The following TMEM117 variants were observed in gnomAD, a reference collection of about 807,000 sequenced individuals.
The protein encoded by TMEM117 is transmembrane protein 117.
A neutral mutation model predicts 52.4 loss-of-function variants in TMEM117; 27 were observed. The observed-to-expected ratio is 0.51, with a 90% CI of 0.38 to 0.71. The LOEUF (loss-of-function observed/expected upper bound fraction) is 0.71. TMEM117 is among the 30% of genes least tolerant of loss of function. TMEM117 has a pLI of 0.00. For synonymous variants in TMEM117, 215 were observed against 206.3 expected, an observed-to-expected ratio of 1.04 and a Z score of -0.36; for missense variants, 556 against 630.5, an observed-to-expected ratio of 0.88 and a Z score of 1.26.
At chr12:43,870,627 A>G (rs962016337) in intron 2 of TMEM117, among the ~76,000 whole-genome samples, 1 of 152,104 alleles carries the variant, frequency 6.6e-6, no homozygotes, top group East Asian at 1.9e-4. Context: ...TATACCCAGT[A>G]TATACCCAGT....
chr12:44,385,918 A>G (rs1952081940), intron 7 of TMEM117, among the ~76,000 whole-genome samples: 4 of 151,780 alleles, frequency 2.6e-5, no homozygotes, highest in Admixed American at 2.6e-4. Flanking sequence ...TCTTTCTTCC[A>G]TGTTATCTCA....
At chr12:44,201,670 G>A (rs1389663483) in intron 4 of TMEM117, among the ~76,000 whole-genome samples, 1 of 152,090 alleles carries the variant, frequency 6.6e-6, no homozygotes, top group Non-Finnish European at 1.5e-5. Flanking sequence ...AGGCAATAAA[G>A]GAATGCCTCC....
chr12:44,170,916 G>T (rs1278267714), intron 4 of TMEM117, among the ~76,000 whole-genome samples: 1 of 151,740 alleles, frequency 6.6e-6, no homozygotes, highest in Non-Finnish European at 1.5e-5. Context: ...CAAAACTAGA[G>T]ATCTTATTCA....
chr12:44,150,165 T>C (rs1230807280), intron 4 of TMEM117, among the ~76,000 whole-genome samples: 1 of 152,204 alleles, frequency 6.6e-6, no homozygotes, highest in Non-Finnish European at 1.5e-5. Flanking sequence ...AAATACAAAC[T>C]GGATCAAGCA....
At chr12:43,876,997 C>G (rs1270848330) in intron 2 of TMEM117, among the ~76,000 whole-genome samples, 2 of 151,850 alleles carry the variant, frequency 1.3e-5, no homozygotes, top group Non-Finnish European at 2.9e-5. Flanking sequence ...TAGTATAAAC[C>G]CAATTTTAAT....
chr12:44,023,510 C>T (rs1181446676), intron 3 of TMEM117, among the ~76,000 whole-genome samples: 1 of 152,112 alleles, frequency 6.6e-6, no homozygotes, highest in East Asian at 1.9e-4. Context: ...TTTTAATGAT[C>T]ACCATTCTAA....
At chr12:44,055,064 A>G (rs1947033121) in intron 3 of TMEM117, among the ~76,000 whole-genome samples, 1 of 152,122 alleles carries the variant, frequency 6.6e-6, no homozygotes, top group South Asian at 2.1e-4. Flanking sequence ...TTCTTCCTTT[A>G]TAATAGGTAG....
rs1036999481 is a variant in TMEM117, at chr12:44,105,823, G to A, written c.411-37702G>A. Among the ~76,000 whole-genome samples the A allele has an allele frequency of 5.9e-5, 9 of 152,002 alleles. No homozygotes were observed. The East Asian group carries it at 1.2e-3, about 20-fold the overall frequency. ...ACAGTTTCTCTTGAGGGCAGGTCTC[G>A]TGAAGAGCAGAGCGCTCTGTCATAT... On this transcript the variant is annotated intron_variant, in intron 3 of 7. Coordinates refer to ENST00000266534, the MANE Select transcript of TMEM117 (RefSeq NM_032256.3).
intron 3 of TMEM117, among the ~76,000 whole-genome samples, chr12:44,132,538 A>G (rs763980685): frequency 5.9e-5 from 9 of 152,076 alleles, no homozygotes; most frequent in Admixed American, 1.3e-4. Flanking sequence ...ATCCCTGAGC[A>G]TTATTGGGAT....
chr12:44,274,347 A>T (rs1476996653), intron 5 of TMEM117, among the ~76,000 whole-genome samples: 1 of 152,162 alleles, frequency 6.6e-6, no homozygotes, highest in Non-Finnish European at 1.5e-5. Flanking sequence ...TATGGATTAG[A>T]AGGATCAATA....
intron 1 of TMEM117, among the ~76,000 whole-genome samples, chr12:43,837,710 T>G (rs1943055883): frequency 6.6e-6 from 1 of 152,168 alleles, no homozygotes. Flanking sequence ...GATATAGTAG[T>G]GATTATATTT....
chr12:44,226,596 C>T (rs902335130), intron 5 of TMEM117, among the ~76,000 whole-genome samples: 1 of 151,848 alleles, frequency 6.6e-6, no homozygotes, highest in African/African-American at 2.4e-5. Context: ...GTCCTAATGC[C>T]TCAGAATGTA....
intron 3 of TMEM117, among the ~76,000 whole-genome samples, chr12:44,140,102 C>T (rs1948550210): frequency 6.6e-6 from 1 of 152,104 alleles, no homozygotes; most frequent in Non-Finnish European, 1.5e-5. Context: ...TCAGTACTAT[C>T]TCATCTGCAT....
At chr12:44,328,622 T>G (rs1951227095) in intron 6 of TMEM117, among the ~76,000 whole-genome samples, 1 of 152,138 alleles carries the variant, frequency 6.6e-6, no homozygotes, top group Admixed American at 6.6e-5. Context: ...ATATCTTTGG[T>G]TGGAATTTAG....
At chr12:44,039,673 C>A (rs1477234270) in intron 3 of TMEM117, among the ~76,000 whole-genome samples, 1 of 151,874 alleles carries the variant, frequency 6.6e-6, no homozygotes, top group African/African-American at 2.4e-5. Context: ...ATGCGTTATA[C>A]TTTTCAATTT....
intron 2 of TMEM117, among the ~76,000 whole-genome samples, chr12:43,895,200 G>A (rs763056723): frequency 3.3e-5 from 5 of 151,942 alleles, no homozygotes; most frequent in South Asian, 2.1e-4. Flanking sequence ...TTTATGTGTC[G>A]ATGTGTTCTC....
At chr12:44,139,070 G>T (rs1948533067) in intron 3 of TMEM117, among the ~76,000 whole-genome samples, 1 of 152,102 alleles carries the variant, frequency 6.6e-6, no homozygotes, top group Non-Finnish European at 1.5e-5. Flanking sequence ...TGATTTACTT[G>T]TGTGTGAAGC....
chr12:43,846,927 T>G (rs1943219699), intron 2 of TMEM117, among the ~76,000 whole-genome samples: 1 of 152,226 alleles, frequency 6.6e-6, no homozygotes, highest in Admixed American at 6.5e-5. Flanking sequence ...TTCTATTATA[T>G]AAATATATAA....
At chr12:44,269,592 G>A (rs1446164249) in intron 5 of TMEM117, among the ~76,000 whole-genome samples, 1 of 151,244 alleles carries the variant, frequency 6.6e-6, no homozygotes, top group Non-Finnish European at 1.5e-5. Context: ...ATTTTTATGA[G>A]CTATGTTGTT....
Sources: gnomAD v4.1 joint callset for allele counts (sites outside exome capture counted in the v4.1 genomes callset) on GRCh38, gnomAD v4.1.1 for gene constraint, MANE v1.5 for transcripts, NCBI Gene and HGNC (gene_info 2026-07-23, HGNC 2026-07-21) for gene names.